The following PRKG1 variants were observed in gnomAD, a reference collection of about 807,000 sequenced individuals.
The protein encoded by PRKG1 is cGMP-dependent protein kinase 1.
Under a neutral mutation model 88.1 loss-of-function variants are expected in PRKG1, and 35 were observed. The ratio of observed to expected loss-of-function variants is 0.40; its 90% CI spans 0.30 to 0.53. The LOEUF (loss-of-function observed/expected upper bound fraction) is 0.53. Among genes scored for constraint, PRKG1 ranks in the 20% least tolerant of loss-of-function variants. The pLI, the probability that PRKG1 is intolerant of heterozygous loss-of-function variation, is 0.59. For synonymous variants in PRKG1, 303 were observed against 292.5 expected (o/e 1.04, Z -0.37); for missense variants, 540 against 839.8 (o/e 0.64, Z 4.41).
At chr10:52,039,531 G>A (rs1040508324) in intron 5 of PRKG1, among the ~76,000 whole-genome samples, 3 of 152,120 alleles carry the variant, frequency 2.0e-5, no homozygotes, top group Admixed American at 1.3e-4. Flanking sequence ...CAGGGGATGC[G>A]ATGGCTTGGC....
intron 2 of PRKG1, among the ~76,000 whole-genome samples, chr10:51,241,209 T>C (rs1158253417): frequency 6.6e-6 from 1 of 152,074 alleles, no homozygotes; most frequent in Non-Finnish European, 1.5e-5. Flanking sequence ...AATGATGTTG[T>C]TCATTCATAG....
chr10:51,224,100 G>A (rs1825262540), intron 2 of PRKG1, among the ~76,000 whole-genome samples: 1 of 152,208 alleles, frequency 6.6e-6, no homozygotes, highest in Admixed American at 6.5e-5. Flanking sequence ...GGCACTGCTG[G>A]AAGACAGAAG....
intron 9 of PRKG1, among the ~76,000 whole-genome samples, chr10:52,213,053 A>G (rs1840021769): frequency 1.3e-5 from 2 of 152,196 alleles, no homozygotes; most frequent in East Asian, 3.9e-4. Context: ...TTTTGCACTT[A>G]AAGCAAATAA....
chr10:51,856,756 G>A (rs1194684694), intron 4 of PRKG1, among the ~76,000 whole-genome samples: 1 of 152,246 alleles, frequency 6.6e-6, no homozygotes, highest in South Asian at 2.1e-4. Context: ...ACGAGGTCAG[G>A]AGATCGGGAC....
chr10:52,283,034 G>T (rs1471883607), intron 14 of PRKG1, among the ~76,000 whole-genome samples: 6 of 151,974 alleles, frequency 3.9e-5, no homozygotes, highest in Non-Finnish European at 7.4e-5. Flanking sequence ...TAAAGAGAAA[G>T]GCAATAATCG....
At chr10:51,098,929 C>T (rs770118335) in intron 1 of PRKG1, among the ~76,000 whole-genome samples, 7 of 152,178 alleles carry the variant, frequency 4.6e-5, no homozygotes, top group Non-Finnish European at 1.0e-4. Context: ...ATTCCACCCA[C>T]CCCAGAGCAA....
At chr10:51,643,433 G>A (rs912698923) in intron 3 of PRKG1, among the ~76,000 whole-genome samples, 1 of 152,138 alleles carries the variant, frequency 6.6e-6, no homozygotes, top group East Asian at 1.9e-4. Context: ...GTTTTAATTA[G>A]ATATTAAAAA....
At chr10:51,644,007 T>G (rs546479796) in intron 3 of PRKG1, among the ~76,000 whole-genome samples, 4 of 137,850 alleles carry the variant, frequency 2.9e-5, no homozygotes, top group South Asian at 5.4e-4. Flanking sequence ...ATTGTGAGGT[T>G]GTTGTGAGGA....
intron 5 of PRKG1, among the ~76,000 whole-genome samples, chr10:51,913,346 A>T (rs1842266292): frequency 6.6e-6 from 1 of 152,192 alleles, no homozygotes; most frequent in Non-Finnish European, 1.5e-5. Context: ...GTATCCAATA[A>T]GTAGTTTTTC....
chr10:52,034,586 G>C (rs1845556773), intron 5 of PRKG1, among the ~76,000 whole-genome samples: 1 of 151,594 alleles, frequency 6.6e-6, no homozygotes, highest in South Asian at 2.1e-4. Context: ...ATTCAGCATA[G>C]TCCTGCCAGC....
chr10:51,546,007 G>A (rs1394004696), intron 3 of PRKG1, among the ~76,000 whole-genome samples: 9 of 150,880 alleles, frequency 6.0e-5, no homozygotes, highest in Non-Finnish European at 1.2e-4. Flanking sequence ...ATATCGCTTA[G>A]TAACTCAGTG....
At chr10:51,573,152 A>G (rs1457748482) in intron 3 of PRKG1, among the ~76,000 whole-genome samples, 2 of 151,808 alleles carry the variant, frequency 1.3e-5, no homozygotes, top group African/African-American at 2.4e-5. Flanking sequence ...AGTCAATCCT[A>G]TATCACTTCA....
chr10:51,167,516 A>T, intron 2 of PRKG1, among the ~76,000 whole-genome samples: 1 of 152,186 alleles, frequency 6.6e-6, no homozygotes, highest in East Asian at 1.9e-4. Context: ...ATGTTTTATG[A>T]GTAGAAAAAT....
At chr10:51,728,711 A>G (rs1388432553) in intron 3 of PRKG1, among the ~76,000 whole-genome samples, 2 of 152,252 alleles carry the variant, frequency 1.3e-5, no homozygotes, top group East Asian at 1.9e-4. Flanking sequence ...TCGGAGTGCT[A>G]TGGTTATGGA....
intron 2 of PRKG1, among the ~76,000 whole-genome samples, chr10:51,191,890 T>C (rs919729742): frequency 6.6e-6 from 1 of 151,822 alleles, no homozygotes; most frequent in Non-Finnish European, 1.5e-5. Context: ...GAATTTTGGA[T>C]CTACTTTAAT....
chr10:51,944,704 C>T (rs965425162), intron 5 of PRKG1, among the ~76,000 whole-genome samples: 14 of 151,976 alleles, frequency 9.2e-5, no homozygotes, highest in African/African-American at 2.4e-5. Flanking sequence ...GCCTTCATTT[C>T]GTTTTGTATC....
intron 1 of PRKG1, among the ~76,000 whole-genome samples, chr10:51,131,094 T>C (rs1845555553): frequency 6.6e-6 from 1 of 152,314 alleles, no homozygotes; most frequent in Middle Eastern, 3.4e-3. Context: ...TTAGTAACAA[T>C]TAATGTTCCT....
intron 3 of PRKG1, among the ~76,000 whole-genome samples, chr10:51,520,932 A>G (rs1239898292): frequency 2.6e-5 from 4 of 152,218 alleles, no homozygotes; most frequent in African/African-American, 9.6e-5. Flanking sequence ...GGCTAGTTTA[A>G]GGAGGTTTTA....
chr10:51,274,945 A>G (rs1840076553), intron 2 of PRKG1, among the ~76,000 whole-genome samples: 1 of 152,220 alleles, frequency 6.6e-6, no homozygotes. Flanking sequence ...AAACTCCACC[A>G]TACCTGCTTC....
Sources: allele counts gnomAD v4.1 joint callset (sites outside exome capture counted in the v4.1 genomes callset), GRCh38; gene constraint gnomAD v4.1.1; transcripts MANE v1.5; gene names NCBI Gene and HGNC (gene_info 2026-07-23, HGNC 2026-07-21).